COLGALT2: variants seen among roughly 807,000 people sequenced by gnomAD.
COLGALT2 encodes the protein collagen beta(1-O)galactosyltransferase 2, also known as procollagen galactosyltransferase 2.
Under a neutral mutation model 73.4 loss-of-function variants are expected in COLGALT2, and 49 were observed. The observed-to-expected ratio is 0.67, with a 90% CI of 0.53 to 0.85. The LOEUF is 0.85. Among genes scored for constraint, COLGALT2 ranks in the 40% least tolerant of loss-of-function variants. COLGALT2 has a pLI of 0.00. For synonymous variants in COLGALT2, 295 were observed against 307.6 expected (o/e 0.96, Z 0.43); for missense variants, 722 against 790.2 (o/e 0.91, Z 1.03).
chr1:183,995,638 A>AT lies in COLGALT2; in HGVS notation c.264-17119dup, dbSNP rs568774011. On this transcript the variant is annotated intron_variant, in intron 1 of 11. Transcript: ENST00000361927. Reference sequence around the variant, plus strand: ...GTATGTTTGCTTCCAGCGGGTGTGTATTTTTTTTTTCTTTTTTTGGTTTGA... The same window carrying AT: ...GTATGTTTGCTTCCAGCGGGTGTGTATTTTTTTTTTTCTTTTTTTGGTTTGA... 2.8e-4 allele frequency among the ~76,000 whole-genome samples: 41 copies of AT among 148,380 alleles called. No homozygotes were observed. In the South Asian group the frequency reaches 5.0e-3, roughly 18 times the overall value.
At chr1:183,930,657 C>T (rs1221894633) in intron 11 of COLGALT2, among the ~76,000 whole-genome samples, 3 of 144,662 alleles carry the variant, frequency 2.1e-5, no homozygotes, top group East Asian at 2.1e-4. Flanking sequence ...GAGCTCAAAG[C>T]GATCTGCCTG....
intron 1 of COLGALT2, among the ~76,000 whole-genome samples, chr1:183,993,294 C>T (rs1305625374): frequency 1.3e-5 from 2 of 152,192 alleles, no homozygotes; most frequent in African/African-American, 4.8e-5. Context: ...AGTAACTTAT[C>T]TAAGAGGAAG....
intron 1 of COLGALT2, among the ~76,000 whole-genome samples, chr1:183,984,997 G>C (rs1572657432): frequency 6.9e-6 from 1 of 145,848 alleles, no homozygotes; most frequent in East Asian, 2.3e-4. Context: ...TTACTGCTTG[G>C]CTGTGGAAAA....
chr1:184,025,711 C>T (rs571315032), intron 1 of COLGALT2, among the ~76,000 whole-genome samples: 1 of 152,272 alleles, frequency 6.6e-6, no homozygotes, highest in South Asian at 2.1e-4. Context: ...ACGTGCCTTC[C>T]CAAGGAGACA....
chr1:183,981,012 G>T (rs1671334254), intron 1 of COLGALT2, among the ~76,000 whole-genome samples: 1 of 151,940 alleles, frequency 6.6e-6, no homozygotes, highest in East Asian at 1.9e-4. Context: ...TAACCACACA[G>T]AATACAATTC....
Position 183,940,654 on chromosome 1 carries a change from C to A in COLGALT2, c.1531G>T (p.Val511Phe). 1 of 1,614,238 alleles carries A rather than the reference C, an allele frequency of 6.2e-7. No individual in the cohort carries two copies. The highest frequency in any genetic ancestry group is 8.5e-7 in the Non-Finnish European group (1 of 1,180,048). The change falls in exon 11 of 12, where the codon GTT becomes TTT. Residue 511 changes from valine (V) to phenylalanine (F), a missense_variant. Val to Phe is a conservative substitution (Grantham distance 50). Transcript: ENST00000361927. The part of the protein sequence containing the change: ...VISLEGAQKL[V>F]GANPFGKMLP... ...ATCTTCCCAAAAGGATTGGCTCCAA[C>A]CAGCTTCTGTGCTCCTTCCAGAGAG...
At chr1:184,007,267 C>A (rs1318936810) in intron 1 of COLGALT2, among the ~76,000 whole-genome samples, 1 of 152,174 alleles carries the variant, frequency 6.6e-6, no homozygotes, top group South Asian at 2.1e-4. Context: ...TGGACTCTGC[C>A]TGTGAAGTTT....
chr1:184,036,703 C>A (rs529312923), intron 1 of COLGALT2, among the ~76,000 whole-genome samples: 5 of 152,346 alleles, frequency 3.3e-5, no homozygotes, highest in Non-Finnish European at 7.3e-5. Flanking sequence ...GCACCCTATC[C>A]CCTCACGTCA....
intron 1 of COLGALT2, among the ~76,000 whole-genome samples, chr1:184,020,226 A>T (rs1030119821): frequency 6.6e-6 from 1 of 152,216 alleles, no homozygotes; most frequent in African/African-American, 2.4e-5. Context: ...TGAAATAAGG[A>T]TGCAGAGGAT....
chr1:183,931,602 G>A (rs542107816), downstream of COLGALT2, among the ~76,000 whole-genome samples: 6 of 152,194 alleles, frequency 3.9e-5, no homozygotes, highest in East Asian at 3.9e-4. Flanking sequence ...CTTGAGTGGC[G>A]TTCAGGAGAG....
intron 1 of COLGALT2, among the ~76,000 whole-genome samples, chr1:183,982,376 G>T (rs1671377010): frequency 6.6e-6 from 1 of 152,124 alleles, no homozygotes; most frequent in Non-Finnish European, 1.5e-5. Flanking sequence ...CACATCCTTT[G>T]TGACTCATGG....
Position 184,013,744 on chromosome 1 carries a change from G to A in COLGALT2, c.263+23351C>T, listed in dbSNP as rs186955944. Reference sequence around the variant, plus strand: ...CAGTGTGTATAATGGATGAATTGGTGGGAGGGGGGGTAAAACAGAGGGGCA... The same window carrying A: ...CAGTGTGTATAATGGATGAATTGGTAGGAGGGGGGGTAAAACAGAGGGGCA... On this transcript the variant is annotated intron_variant, in intron 1 of 11. Transcript: ENST00000361927. 3.2e-3 allele frequency among the ~76,000 whole-genome samples: 474 copies of A among 147,354 alleles called. 14 individuals are homozygous for A. The highest frequency in any genetic ancestry group is 9.4e-4 in the Non-Finnish European group (64 of 67,926).
At chr1:183,991,972 G>A (rs890357316) in intron 1 of COLGALT2, among the ~76,000 whole-genome samples, 4 of 152,060 alleles carry the variant, frequency 2.6e-5, no homozygotes, top group African/African-American at 9.7e-5. Context: ...CCTGGGAGAG[G>A]AGCATGCATA....
chr1:183,981,508 T>TAGCTGGGTA (rs1331994339), intron 1 of COLGALT2, among the ~76,000 whole-genome samples: 44 of 148,326 alleles, frequency 3.0e-4, no homozygotes, highest in East Asian at 1.2e-3. Flanking sequence ...AAAAAAACAT[T>TAGCTGGGTA]AGCTGGGTAT....
intron 1 of COLGALT2, among the ~76,000 whole-genome samples, chr1:183,979,311 G>GA (rs1671287220): frequency 6.6e-6 from 1 of 151,992 alleles, no homozygotes; most frequent in Non-Finnish European, 1.5e-5. Flanking sequence ...ATAATGAAAT[G>GA]AAAAACAGAA....
intron 9 of COLGALT2, 149 bp downstream of exon 9, chr1:183,945,283 T>C (rs1670218574): frequency 2.1e-6 from 2 of 958,832 alleles, no homozygotes; most frequent in Non-Finnish European, 1.5e-6. Context: ...TGGTCTTGGG[T>C]CAGAGGGAGA....
In COLGALT2 at chr1:183,975,193, TC is replaced by T; in HGVS notation, c.395del (p.Gly132AspfsTer13). On this transcript the variant is annotated frameshift_variant, in exon 3 of 12. Coordinates refer to ENST00000361927, the MANE Select transcript of COLGALT2 (RefSeq NM_015101.4). LOFTEE classifies it high-confidence loss of function. Reference protein sequence around the residue: ...DEPESYPDEIGPKHWPTSRFA... With the variant: ...DEPESYPDEIXPKHWPTSRFA... ...ACCGGGAGGTTGGCCAGTGCTTTGG[TC>T]CAATTTCATCAGGGTAAGACCTAAA... The T allele has an allele frequency of 6.2e-7, 1 of 1,613,516 alleles. No individual in the cohort carries two copies. Among genetic ancestry groups the T allele is most frequent in the Non-Finnish European group, 8.5e-7 (1 of 1,179,476 alleles).
At chr1:183,970,986 T>C (rs1671023535) in intron 4 of COLGALT2, among the ~76,000 whole-genome samples, 1 of 152,128 alleles carries the variant, frequency 6.6e-6, no homozygotes, top group African/African-American at 2.4e-5. Flanking sequence ...TTAGGAACAA[T>C]ATTCCCAGAA....
At chr1:184,032,400 A>G (rs1388548965) in intron 1 of COLGALT2, among the ~76,000 whole-genome samples, 1 of 152,248 alleles carries the variant, frequency 6.6e-6, no homozygotes, top group East Asian at 1.9e-4. Flanking sequence ...TATATCATTT[A>G]CTTGTAACAA....
Sources: allele counts gnomAD v4.1 joint callset (sites outside exome capture counted in the v4.1 genomes callset), GRCh38; gene constraint gnomAD v4.1.1; transcripts MANE v1.5; gene names NCBI Gene and HGNC (gene_info 2026-07-23, HGNC 2026-07-21).